The following PLCH1 variants were observed in gnomAD, a reference collection of about 807,000 sequenced individuals.
The protein encoded by PLCH1 is phospholipase C eta 1.
A neutral mutation model predicts 126.7 loss-of-function variants in PLCH1; 60 were observed. The ratio of observed to expected loss-of-function variants is 0.47; its 90% confidence interval spans 0.38 to 0.59. The LOEUF (loss-of-function observed/expected upper bound fraction) is 0.59, where lower values mean the gene tolerates loss of function less well. Among genes scored for constraint, PLCH1 ranks in the 20% least tolerant of loss-of-function variants. PLCH1 has a pLI of 0.00. For synonymous variants in PLCH1, 719 were observed against 734.9 expected, an observed-to-expected ratio of 0.98 and a Z score of 0.35; for missense variants, 1,723 against 2,040.0, an observed-to-expected ratio of 0.84 and a Z score of 2.99.
At chr3:155,467,599 A>C (rs1000274822) in intron 21 of PLCH1, among the ~76,000 whole-genome samples, 12 of 152,078 alleles carry the variant, frequency 7.9e-5, no homozygotes, top group African/African-American at 2.9e-4. Flanking sequence ...TCCTAAAAGC[A>C]GCAAGAGAAA....
At chr3:155,693,711 C>T (rs1745584782) in intron 2 of PLCH1, among the ~76,000 whole-genome samples, 1 of 152,048 alleles carries the variant, frequency 6.6e-6, no homozygotes, top group Non-Finnish European at 1.5e-5. Flanking sequence ...GGGTGGATCA[C>T]CTGGGGTCAT....
chr3:155,667,903 T>TAAAAAAA (rs35373040), intron 2 of PLCH1, among the ~76,000 whole-genome samples: 4 of 75,588 alleles, frequency 5.3e-5, no homozygotes, highest in Admixed American at 1.6e-4. Context: ...CATCTCTACT[T>TAAAAAAA]AAAAAAAAAA....
chr3:155,549,475 A>G (rs1347926358), intron 10 of PLCH1, among the ~76,000 whole-genome samples: 1 of 152,112 alleles, frequency 6.6e-6, no homozygotes, highest in African/African-American at 2.4e-5. Flanking sequence ...CCTTTCCTGA[A>G]CCTCACGCTC....
At chr3:155,584,085 T>C (rs1731061784) in intron 5 of PLCH1, among the ~76,000 whole-genome samples, 1 of 151,658 alleles carries the variant, frequency 6.6e-6, no homozygotes. Context: ...ACTCAAAAAA[T>C]GTGAAACAAA....
intron 2 of PLCH1, among the ~76,000 whole-genome samples, chr3:155,616,143 C>T (rs1219589265): frequency 6.6e-6 from 1 of 152,120 alleles, no homozygotes; most frequent in Non-Finnish European, 1.5e-5. Context: ...CTGTATCCTA[C>T]ACTCTACACC....
chr3:155,717,744 G>A (rs2109125385), intron 1 of PLCH1, among the ~76,000 whole-genome samples: 1 of 152,354 alleles, frequency 6.6e-6, no homozygotes. Flanking sequence ...GGCCTGTGAT[G>A]AGAGGGGCTG....
intron 2 of PLCH1, among the ~76,000 whole-genome samples, chr3:155,699,848 A>ACACACACACACACACACACACACC (rs1491419516): frequency 3.5e-4 from 52 of 147,656 alleles, no homozygotes; most frequent in African/African-American, 1.3e-3. Flanking sequence ...ACACACACAC[A>ACACACACACACACACACACACACC]CCACTACCTC....
intron 1 of PLCH1, among the ~76,000 whole-genome samples, chr3:155,730,541 A>G (rs1346995582): frequency 6.6e-6 from 1 of 152,216 alleles, no homozygotes; most frequent in African/African-American, 2.4e-5. Flanking sequence ...TTGGCCTTCC[A>G]AAGTGCTGAG....
Position 155,536,323 on chromosome 3 carries a change from G to A in PLCH1, c.1363-12319C>T, listed in dbSNP as rs140734298. Among the ~76,000 whole-genome samples the A allele has an allele frequency of 4.0e-4, 61 of 152,138 alleles. No individual in the cohort carries two copies. The East Asian group carries it at 0.011, about 28-fold the overall frequency. ...ACCAAGAAAGGATCCAAACCAAGAA[G>A]AAATCCCTGACTTGCCAGCAAAAGC... On this transcript the variant is annotated intron_variant, in intron 10 of 22. Coordinates refer to ENST00000460012, the MANE Select transcript of PLCH1 (RefSeq NM_014996.4).
At chr3:155,565,312 C>G (rs758206856) in intron 7 of PLCH1, among the ~76,000 whole-genome samples, 194 bp from the exon 8 acceptor site, 2 of 152,026 alleles carry the variant, frequency 1.3e-5, no homozygotes, top group African/African-American at 4.8e-5. Flanking sequence ...TTGTTCCACC[C>G]AAATCTCATG....
At chr3:155,478,604 C>A (rs185580288), downstream of PLCH1, among the ~76,000 whole-genome samples, 1 of 151,660 alleles carries the variant, frequency 6.6e-6, no homozygotes, top group South Asian at 2.1e-4. Context: ...CAATATTAAC[C>A]AAGAAATAAT....
chr3:155,534,404 T>C lies in PLCH1; in HGVS notation c.1363-10400A>G, dbSNP rs113208282. 5.2e-3 allele frequency among the ~76,000 whole-genome samples: 793 copies of C among 152,334 alleles called. 3 individuals are homozygous for C. The highest frequency in any genetic ancestry group is 0.018 in the African/African-American group (755 of 41,584). On this transcript the variant is annotated intron_variant, in intron 10 of 22. Coordinates refer to ENST00000460012, the MANE Select transcript of PLCH1 (RefSeq NM_014996.4). The stretch of plus-strand genomic sequence containing the variant: ...TTTGTTTTGGCCGATGTCTCCTTTT[T>C]GGAATGGGAGCATTTATCCAATGCC...
chr3:155,669,001 G>A (rs1743093922), intron 2 of PLCH1, among the ~76,000 whole-genome samples: 1 of 152,100 alleles, frequency 6.6e-6, no homozygotes, highest in East Asian at 1.9e-4. Flanking sequence ...GACATAAATG[G>A]TGTAACTCCT....
intron 2 of PLCH1, among the ~76,000 whole-genome samples, chr3:155,689,131 T>C (rs1745179066): frequency 6.6e-6 from 1 of 152,128 alleles, no homozygotes; most frequent in South Asian, 2.1e-4. Flanking sequence ...AGAGACTCTA[T>C]ATGTTTGGGA....
chr3:155,496,974 T>C (rs1218791850), intron 15 of PLCH1, among the ~76,000 whole-genome samples: 1 of 152,246 alleles, frequency 6.6e-6, no homozygotes, highest in Non-Finnish European at 1.5e-5. Flanking sequence ...GCATTTGGAA[T>C]GGCCATCTGT....
At chr3:155,458,354 A>C (rs1560027026) in intron 21 of PLCH1, among the ~76,000 whole-genome samples, 1 of 144,342 alleles carries the variant, frequency 6.9e-6, no homozygotes, top group African/African-American at 2.6e-5. Flanking sequence ...AAAAAAAAAA[A>C]AAAAGAAAGA....
intron 1 of PLCH1, among the ~76,000 whole-genome samples, chr3:155,722,556 T>G (rs1188847031): frequency 6.6e-6 from 1 of 152,200 alleles, no homozygotes; most frequent in African/African-American, 2.4e-5. Context: ...GTCAAATGCT[T>G]TTTCTGAGTC....
chr3:155,588,932 C>T lies in PLCH1; in HGVS notation c.471-2738G>A, dbSNP rs542125587. Among the ~76,000 whole-genome samples, 22 of 152,258 alleles carry T rather than the reference C, an allele frequency of 1.4e-4. No homozygotes were observed. The South Asian group carries it at 3.9e-3, about 27-fold the overall frequency. ...ATGAAAAAACCATTCTTTCCAGTAA[C>T]GGTCCACATAGTATACAACTCCAGG... On this transcript the variant is annotated intron_variant, in intron 4 of 22. Coordinates refer to ENST00000460012, the MANE Select transcript of PLCH1 (RefSeq NM_014996.4).
At chr3:155,724,566 C>T (rs1748173945) in intron 1 of PLCH1, among the ~76,000 whole-genome samples, 1 of 152,106 alleles carries the variant, frequency 6.6e-6, no homozygotes, top group Admixed American at 6.6e-5. Flanking sequence ...GCTACTCTTG[C>T]TTGCTTTTGG....
Sources: allele counts gnomAD v4.1 joint callset (sites outside exome capture counted in the v4.1 genomes callset), GRCh38; gene constraint gnomAD v4.1.1; transcripts MANE v1.5; gene names NCBI Gene and HGNC (gene_info 2026-07-23, HGNC 2026-07-21).